Variants in MERTK observed in about 807,000 individuals in gnomAD.
MERTK encodes the protein MER proto-oncogene, tyrosine kinase.
Under a neutral mutation model 99.3 loss-of-function variants are expected in MERTK, and 69 were observed. That is an observed-to-expected ratio of 0.70 (90% CI 0.57 to 0.85). The LOEUF is 0.85. Among genes scored for constraint, MERTK ranks in the 40% least tolerant of loss-of-function variants. MERTK has a pLI of 0.00. For missense variants in MERTK, 1,125 were observed against 1,249.4 expected (o/e 0.90, Z 1.50); for synonymous variants, 426 against 467.6 (o/e 0.91, Z 1.15).
chr2:111,930,841 A>G (rs1018697754), intron 2 of MERTK, among the ~76,000 whole-genome samples: 1 of 151,170 alleles, frequency 6.6e-6, no homozygotes, highest in Admixed American at 6.6e-5. Flanking sequence ...TGTATTCTCC[A>G]CTCTTTCCTC....
chr2:111,930,416 G>A (rs1443009558), intron 2 of MERTK: 3 of 152,010 alleles, frequency 2.0e-5, no homozygotes, highest in Non-Finnish European at 4.4e-5. Context: ...GATTTCACCT[G>A]TGACTAGCCA....
chr2:111,903,344 A>T (rs1684080272), intron 1 of MERTK, among the ~76,000 whole-genome samples: 1 of 152,212 alleles, frequency 6.6e-6, no homozygotes, highest in Admixed American at 6.5e-5. Context: ...AATAGAAAAC[A>T]ATCTTTTATT....
At chr2:112,024,362 T>A (rs1334854777) in intron 18 of MERTK, among the ~76,000 whole-genome samples, 1 of 152,222 alleles carries the variant, frequency 6.6e-6, no homozygotes, top group African/African-American at 2.4e-5. Context: ...AAGTGAATGC[T>A]GAGTCGGTTT....
chr2:111,961,276 TCAG>T (rs1685245613), intron 4 of MERTK, among the ~76,000 whole-genome samples: 1 of 146,116 alleles, frequency 6.8e-6, no homozygotes, highest in Admixed American at 6.9e-5. Flanking sequence ...TTCTCCTGCC[TCAG>T]CTTCCCGAGT....
intron 4 of MERTK, among the ~76,000 whole-genome samples, chr2:111,950,957 G>A (rs1685043539): frequency 6.6e-6 from 1 of 151,818 alleles, no homozygotes; most frequent in African/African-American, 2.4e-5. Flanking sequence ...AATTTTTGTA[G>A]TTTTTGTTGT....
Position 111,947,385 on chromosome 2 carries a change from T to C in MERTK, c.584-9T>C, listed in dbSNP as rs1259264776. 1 of 1,613,920 alleles carries C rather than the reference T, an allele frequency of 6.2e-7. No individual in the cohort carries two copies. The highest frequency in any genetic ancestry group is 8.5e-7 in the Non-Finnish European group (1 of 1,179,998). On this transcript the variant is annotated splice_polypyrimidine_tract_variant and intron_variant, in intron 3 of 18. Transcript: ENST00000295408. Reference sequence around the variant, plus strand: ...TGAAACATTCTTTTGTGTAACGTTTTCTCCGCAGGACTTCCTCACTTTACT... The same window carrying C: ...TGAAACATTCTTTTGTGTAACGTTTCCTCCGCAGGACTTCCTCACTTTACT...
intron 1 of MERTK, among the ~76,000 whole-genome samples, chr2:111,912,687 C>G (rs1684274197): frequency 6.6e-6 from 1 of 152,176 alleles, no homozygotes; most frequent in Non-Finnish European, 1.5e-5. Context: ...GAGAATACTC[C>G]TCAGGGCAGG....
At chr2:112,012,653 A>C (rs1036345234) in intron 15 of MERTK, among the ~76,000 whole-genome samples, 12 of 152,156 alleles carry the variant, frequency 7.9e-5, no homozygotes, top group Non-Finnish European at 1.8e-4. Flanking sequence ...CCCTGCCCTG[A>C]ATCCTTCCAG....
chr2:111,903,203 T>A (rs1684077802), intron 1 of MERTK, among the ~76,000 whole-genome samples: 1 of 152,202 alleles, frequency 6.6e-6, no homozygotes, highest in Non-Finnish European at 1.5e-5. Context: ...TCAGTGAGTA[T>A]CAGAGCACAG....
intron 2 of MERTK, among the ~76,000 whole-genome samples, chr2:111,939,401 C>T (rs945204160): frequency 6.6e-6 from 1 of 152,092 alleles, no homozygotes; most frequent in African/African-American, 2.4e-5. Flanking sequence ...CATCTCCATA[C>T]TGCCACATTG....
At chr2:111,921,412 A>G (rs1034019564) in intron 1 of MERTK, among the ~76,000 whole-genome samples, 1 of 151,646 alleles carries the variant, frequency 6.6e-6, no homozygotes, top group Non-Finnish European at 1.5e-5. Flanking sequence ...AGGCAGGAGA[A>G]TTGCTTGAAC....
At position 112,001,225 on chromosome 2, in the gene MERTK, T is replaced by C; in HGVS notation, c.1629T>C (p.Ser543=). ...KFGNAFTEED[S]ELVVNYIAKK... ...GGAATGCATTCACAGAGGAGGATTC[T>C]GAATTAGTGGTGAATTATATAGCAA... Residue 543 remains serine (S), a synonymous_variant, in exon 11 of 19, where the codon TCT becomes TCC. Coordinates refer to ENST00000295408, the MANE Select transcript of MERTK (RefSeq NM_006343.3). The C allele has an allele frequency of 6.2e-7, 1 of 1,613,650 alleles. No individual in the cohort carries two copies. Among genetic ancestry groups the C allele is most frequent in the South Asian group, 1.1e-5 (1 of 91,062 alleles).
At chr2:111,907,992 A>T (rs2104662823) in intron 1 of MERTK, among the ~76,000 whole-genome samples, 1 of 151,992 alleles carries the variant, frequency 6.6e-6, no homozygotes, top group South Asian at 2.1e-4. Context: ...ATTCTGTGCC[A>T]CCTCTTTCGT....
At chr2:112,019,237 A>T (rs958470019) in intron 15 of MERTK, 176 bp from the exon 16 acceptor site, 2 of 744,144 alleles carry the variant, frequency 2.7e-6, no homozygotes, top group Non-Finnish European at 4.9e-6. Context: ...GGTTTTTCTC[A>T]TTCCTTTTTA....
At chr2:111,919,371 C>G (rs987594219) in intron 1 of MERTK, among the ~76,000 whole-genome samples, 1 of 151,882 alleles carries the variant, frequency 6.6e-6, no homozygotes, top group African/African-American at 2.4e-5. Context: ...TTTTAAATCC[C>G]AGTGCCCAAG....
intron 1 of MERTK, among the ~76,000 whole-genome samples, chr2:111,926,625 G>C (rs1299788153): frequency 6.6e-6 from 1 of 152,200 alleles, no homozygotes; most frequent in Non-Finnish European, 1.5e-5. Context: ...TACTCAGGAG[G>C]CTGAGGCAGG....
chr2:112,029,017 T>G lies in MERTK; in HGVS notation c.*153T>G. The G allele has an allele frequency of 6.7e-7, 1 of 1,488,048 alleles. No individual in the cohort carries two copies. Among genetic ancestry groups the G allele is most frequent in the Non-Finnish European group, 9.0e-7 (1 of 1,117,194 alleles). 92.2% of individuals were successfully genotyped at this position (1,488,048 alleles called of 1,614,324 possible). Reference sequence around the variant, plus strand: ...TGAATGTTGTTAAGTAAGCTGTCATTAAAAATACATAATATATATTTATTT... The same window carrying G: ...TGAATGTTGTTAAGTAAGCTGTCATGAAAAATACATAATATATATTTATTT... On this transcript the variant is annotated 3_prime_UTR_variant, in exon 19 of 19. Transcript: ENST00000295408.
chr2:111,973,805 A>C (rs1382768288), intron 6 of MERTK, among the ~76,000 whole-genome samples: 3 of 152,198 alleles, frequency 2.0e-5, no homozygotes, highest in South Asian at 4.1e-4. Context: ...AAGAGATGGA[A>C]GTTTCGCCCA....
At chr2:111,906,916 A>T (rs1261362364) in intron 1 of MERTK, among the ~76,000 whole-genome samples, 1 of 152,216 alleles carries the variant, frequency 6.6e-6, no homozygotes, top group African/African-American at 2.4e-5. Context: ...GGGAAAGCAG[A>T]TGGATGATTC....
Sources: gnomAD v4.1 joint callset for allele counts (sites outside exome capture counted in the v4.1 genomes callset) on GRCh38, gnomAD v4.1.1 for gene constraint, MANE v1.5 for transcripts, NCBI Gene and HGNC (gene_info 2026-07-23, HGNC 2026-07-21) for gene names.